The following IQCH variants were observed in gnomAD, a reference collection of about 807,000 sequenced individuals.
IQCH encodes the protein IQ motif containing H, also known as IQ domain-containing protein H.
IQCH carries 98 observed loss-of-function variants against 117.0 expected under a neutral mutation model. That is an observed-to-expected ratio of 0.84 (90% CI 0.71 to 0.99). The LOEUF (loss-of-function observed/expected upper bound fraction) is 0.99. IQCH is among the 50% of genes least tolerant of loss of function. The pLI is 0.00. For missense variants in IQCH, 1,102 were observed against 1,243.8 expected (o/e 0.89, Z 1.72); for synonymous variants, 412 against 448.2 (o/e 0.92, Z 1.02).
intron 4 of IQCH, among the ~76,000 whole-genome samples, chr15:67,328,832 A>G (rs181108584): frequency 1.3e-3 from 200 of 152,346 alleles, no homozygotes; most frequent in African/African-American, 4.7e-3. Context: ...TTTGAAAACA[A>G]AAACAATAGG....
In IQCH at chr15:67,465,666, A is replaced by G. The variant is rs951584930; in HGVS notation, c.2676+369A>G. On this transcript the variant is annotated intron_variant, in intron 17 of 20. Transcript: ENST00000335894. The surrounding 1 kb of genome is among the most constrained non-coding windows in gnomAD (Gnocchi z 5.9). ...TCATGGGTCCAAAATTCTATAGAACATCTCTGCTTCGAATCCTCAGAGTCA... is the reference window on the plus strand; with the variant it reads ...TCATGGGTCCAAAATTCTATAGAACGTCTCTGCTTCGAATCCTCAGAGTCA... Among the ~76,000 whole-genome samples, 3 of 152,088 alleles carry G rather than the reference A, an allele frequency of 2.0e-5. No individual in the cohort carries two copies. Among genetic ancestry groups the G allele is most frequent in the African/African-American group, 7.2e-5 (3 of 41,400 alleles).
chr15:67,322,803 AC>A (rs1285669335), intron 4 of IQCH, among the ~76,000 whole-genome samples: 3 of 152,166 alleles, frequency 2.0e-5, no homozygotes, highest in Non-Finnish European at 4.4e-5. Flanking sequence ...GTTCCCCACC[AC>A]CAGTTGGGTG....
rs569661629 is a variant in IQCH, at chr15:67,405,214, T to C, written c.2097+4909T>C. ...TCTAGGTTATTATTTTTTCCAGTCA[T>C]GAAACTACATATAAATGATTATTGT... On this transcript the variant is annotated intron_variant, in intron 14 of 20. Transcript: ENST00000335894. This position sits in a 1 kb window ranked among gnomAD's most constrained non-coding sequence, Gnocchi z 4.8. The C allele has an allele frequency of 3.3e-5, 5 of 152,340 alleles. No individual in the cohort carries two copies. Among genetic ancestry groups the C allele is most frequent in the Admixed American group, 2.6e-4 (4 of 15,300 alleles). The allele number at this position is 152,340 out of a possible 1,614,324, so 9.4% of individuals were successfully genotyped here.
chr15:67,418,513 C>CACACACA (rs1555489465), intron 15 of IQCH, among the ~76,000 whole-genome samples: 1 of 114,092 alleles, frequency 8.8e-6, no homozygotes, highest in South Asian at 3.0e-4. Flanking sequence ...CAAGTGGCTA[C>CACACACA]CACACACACA....
chr15:67,288,668 AT>A (rs1966650174), intron 4 of IQCH, among the ~76,000 whole-genome samples: 2 of 152,056 alleles, frequency 1.3e-5, no homozygotes, highest in African/African-American at 4.8e-5. Context: ...TAGGCAACAT[AT>A]CATTGGGTCT....
chr15:67,296,140 T>G (rs1966850936), intron 4 of IQCH, among the ~76,000 whole-genome samples: 1 of 152,252 alleles, frequency 6.6e-6, no homozygotes, highest in African/African-American at 2.4e-5. Flanking sequence ...TCGTCTGTCC[T>G]GTTTCTAAAA....
In IQCH at chr15:67,465,602, A is replaced by C. The variant is rs62016053; in HGVS notation, c.2676+305A>C. On this transcript the variant is annotated intron_variant, in intron 17 of 20. Transcript: ENST00000335894. The surrounding 1 kb of genome is among the most constrained non-coding windows in gnomAD (Gnocchi z 5.9). Reference sequence around the variant, plus strand: ...CTACAAGCTGTTTCACACAAAACCCATATTTTTCTAGCCCCACTCTCTTTT... The same window carrying C: ...CTACAAGCTGTTTCACACAAAACCCCTATTTTTCTAGCCCCACTCTCTTTT... Among the ~76,000 whole-genome samples the C allele has an allele frequency of 1.3e-5, 2 of 152,086 alleles. No individual in the cohort carries two copies. The highest frequency in any genetic ancestry group is 2.9e-5 in the Non-Finnish European group (2 of 68,008).
Position 67,395,702 on chromosome 15 carries a change from C to CTTTATTATTTATTTA in IQCH, c.1905+145_1905+146insATTTATTTATTTATT, listed in dbSNP as rs1971444251. On this transcript the variant is annotated intron_variant, in intron 13 of 20. Transcript: ENST00000335894. The surrounding 1 kb of genome is among the most constrained non-coding windows in gnomAD (Gnocchi z 4.0). ...ATTTGAGTTGATTTGAGGGAATCTACTTTATTTATTTATTTATTTATTTAT... is the reference window on the plus strand; with the variant it reads ...ATTTGAGTTGATTTGAGGGAATCTACTTTATTATTTATTTATTTATTTATTTATTTATTTATTTAT... 1 of 239,636 alleles carries CTTTATTATTTATTTA rather than the reference C, an allele frequency of 4.2e-6. No homozygotes were observed. The highest frequency in any genetic ancestry group is 7.8e-6 in the Non-Finnish European group (1 of 127,422). 14.8% of individuals were successfully genotyped at this position (239,636 alleles called of 1,614,324 possible).
intron 16 of IQCH, among the ~76,000 whole-genome samples, chr15:67,444,089 C>CCA (rs2082340553): frequency 6.6e-6 from 1 of 152,176 alleles, no homozygotes; most frequent in Non-Finnish European, 1.5e-5. Context: ...TATCTCCCCC[C>CCA]ACAACCACTA....
At chr15:67,293,467 A>G (rs1234311721) in intron 4 of IQCH, among the ~76,000 whole-genome samples, 1 of 152,202 alleles carries the variant, frequency 6.6e-6, no homozygotes, top group Non-Finnish European at 1.5e-5. Flanking sequence ...TACACTTTAA[A>G]TAATCGCTAG....
Position 67,359,866 on chromosome 15 carries a change from G to C in IQCH, c.734G>C (p.Arg245Thr). Residue 245 changes from arginine to threonine, a missense_variant, in exon 8 of 21, where the codon AGA becomes ACA. By Grantham distance (71) the Arg-to-Thr change is moderately conservative (BLOSUM62 -1). This residue lies in a region of IQCH where 452 missense variants were observed against 449.6 expected (regional missense o/e 1.01). Transcript: ENST00000335894. This position sits in a 1 kb window ranked among gnomAD's most constrained non-coding sequence, Gnocchi z 4.5. ...QRSKGKSRRS[R>T]GHHDRKAMKV... ...TTGTAGGGGAAAAGCAGAAGGTCAA[G>C]AGGACATCATGATAGGAAGGTCTGT... is the stretch of plus-strand genomic sequence containing the variant. The C allele has an allele frequency of 6.3e-7, 1 of 1,590,424 alleles. No individual in the cohort carries two copies. The highest frequency in any genetic ancestry group is 8.6e-7 in the Non-Finnish European group (1 of 1,164,860).
chr15:67,412,319 G>C (rs1051243610), intron 14 of IQCH, among the ~76,000 whole-genome samples: 11 of 152,014 alleles, frequency 7.2e-5, no homozygotes, highest in African/African-American at 2.7e-4. Context: ...ACACTGATGT[G>C]GTCGCCCATC....
chr15:67,389,071 A>G (rs2140840130), intron 12 of IQCH, 65 bp downstream of exon 12: 1 of 1,259,870 alleles, frequency 7.9e-7, no homozygotes, highest in African/African-American at 1.5e-5. Context: ...AAATTTTAAT[A>G]ACTTGCAACG....
Position 67,436,447 on chromosome 15 carries a change from G to C in IQCH, c.2505+14870G>C, listed in dbSNP as rs971138156. Among the ~76,000 whole-genome samples, 1 of 152,174 alleles carries C rather than the reference G, an allele frequency of 6.6e-6. No individual in the cohort carries two copies. The highest frequency in any genetic ancestry group is 2.4e-5 in the African/African-American group (1 of 41,440). On this transcript the variant is annotated intron_variant, in intron 16 of 20. Transcript: ENST00000335894. The surrounding 1 kb of genome is among the most constrained non-coding windows in gnomAD (Gnocchi z 5.1). ...CTGCATCCCCTAGCAGCCCATTTCT[G>C]CCTGGCACCACAGGGATCCATCAGG...
chr15:67,417,680 T>G lies in IQCH; in HGVS notation c.2218+629T>G, dbSNP rs759690199. On this transcript the variant is annotated intron_variant, in intron 15 of 20. Transcript: ENST00000335894. This position sits in a 1 kb window ranked among gnomAD's most constrained non-coding sequence, Gnocchi z 4.3. ...ATTGGGTGGTCTATGAATGAGGGAA[T>G]GAATGGAGTGAATGATGCCTGTCTA... is the stretch of plus-strand genomic sequence containing the variant. 6.6e-6 allele frequency among the ~76,000 whole-genome samples: 1 copy of G among 152,054 alleles called. No individual in the cohort carries two copies.
rs150705608 is a variant in IQCH at position 67,274,106 on chromosome 15, T to C, written c.270-5289T>C. On this transcript the variant is annotated intron_variant, in intron 3 of 20. Coordinates refer to ENST00000335894, the MANE Select transcript of IQCH (RefSeq NM_001031715.3). ...TGTTTTCAGGATCTTCTCTTTGTCC[T>C]TGACCTTTGAGAGTTTGATTAGTAT... Among the ~76,000 whole-genome samples, 372 of 152,386 alleles carry C rather than the reference T, an allele frequency of 2.4e-3. 4 individuals are homozygous for C. The highest frequency in any genetic ancestry group is 8.7e-3 in the African/African-American group (360 of 41,596).
At position 67,390,195 on chromosome 15, in the gene IQCH, C is replaced by G. The variant is rs1971239421; in HGVS notation, c.1632+1189C>G. 6.6e-6 allele frequency among the ~76,000 whole-genome samples: 1 copy of G among 152,126 alleles called. No individual in the cohort carries two copies. The highest frequency in any genetic ancestry group is 1.5e-5 in the Non-Finnish European group (1 of 68,018). The stretch of plus-strand genomic sequence containing the variant: ...ATTCTTGGGAACCTTCCAATATCCT[C>G]CACCAATGTAAGAATTTCTTTGGTG... On this transcript the variant is annotated intron_variant, in intron 12 of 20. Coordinates refer to ENST00000335894, the MANE Select transcript of IQCH (RefSeq NM_001031715.3). The surrounding 1 kb of genome is among the most constrained non-coding windows in gnomAD (Gnocchi z 5.0).
At chr15:67,485,411 T>C (rs183059463) in intron 18 of IQCH, among the ~76,000 whole-genome samples, 133 of 152,240 alleles carry the variant, frequency 8.7e-4, no homozygotes, top group Admixed American at 2.4e-3. Flanking sequence ...GAAAAAGTCT[T>C]CAGAGATACA....
intron 4 of IQCH, among the ~76,000 whole-genome samples, chr15:67,302,882 A>C (rs561380694): frequency 7.2e-5 from 11 of 152,160 alleles, no homozygotes; most frequent in South Asian, 6.2e-4. Flanking sequence ...ACAACAACAA[A>C]AAACCATGCT....
Sources: allele counts gnomAD v4.1 joint callset (sites outside exome capture counted in the v4.1 genomes callset), GRCh38; gene constraint gnomAD v4.1.1; regional missense constraint gnomAD v4.1.1; non-coding constraint Gnocchi (gnomAD v3.1); transcripts MANE v1.5; gene names NCBI Gene and HGNC (gene_info 2026-07-23, HGNC 2026-07-21).